Variants in ZHX2 observed in about 807,000 individuals in gnomAD.
ZHX2 encodes the protein zinc fingers and homeoboxes protein 2.
Under a neutral mutation model 21.9 loss-of-function variants are expected in ZHX2, and 6 were observed. The observed-to-expected ratio is 0.27, with a 90% CI of 0.15 to 0.54. ZHX2 has a LOEUF of 0.54. Ranked by LOEUF, ZHX2 falls within the 20% of genes least tolerant of loss-of-function variation. The pLI, the probability that ZHX2 is intolerant of heterozygous loss-of-function variation, is 0.95. For synonymous variants in ZHX2, 434 were observed against 437.1 expected (o/e 0.99, Z 0.09); for missense variants, 908 against 1,090.7 (o/e 0.83, Z 2.36).
chr8:122,872,056 A>G lies in ZHX2; in HGVS notation c.-220+8517A>G, dbSNP rs112965300. 7.8e-3 allele frequency among the ~76,000 whole-genome samples: 1,191 copies of G among 152,272 alleles called. 16 individuals are homozygous for G. The highest frequency in any genetic ancestry group is 0.026 in the African/African-American group (1,070 of 41,540). On this transcript the variant is annotated intron_variant, in intron 2 of 3. Coordinates refer to ENST00000314393, the MANE Select transcript of ZHX2 (RefSeq NM_014943.5). Reference sequence around the variant, plus strand: ...CTGGCCCCTGCAGTCCTGCTGTCCTATGAAAAATCAGCATAGGCAGGTATC... The same window carrying G: ...CTGGCCCCTGCAGTCCTGCTGTCCTGTGAAAAATCAGCATAGGCAGGTATC...
At chr8:122,914,375 A>T (rs1820549821) in intron 2 of ZHX2, among the ~76,000 whole-genome samples, 1 of 152,236 alleles carries the variant, frequency 6.6e-6, no homozygotes, top group Non-Finnish European at 1.5e-5. Flanking sequence ...TGGGGGGAGA[A>T]AGGGGCACAG....
chr8:122,822,702 C>G (rs768175274), intron 1 of ZHX2, among the ~76,000 whole-genome samples: 18 of 152,346 alleles, frequency 1.2e-4, no homozygotes, highest in Non-Finnish European at 2.6e-4. Flanking sequence ...CTCTTCCCAT[C>G]TGTCTCTGCA....
chr8:122,861,678 C>A (rs891121853), intron 1 of ZHX2, among the ~76,000 whole-genome samples: 1 of 152,174 alleles, frequency 6.6e-6, no homozygotes, highest in Non-Finnish European at 1.5e-5. Context: ...GGCTTGGAGT[C>A]AGAGGATAGT....
chr8:122,930,292 A>G (rs893136653), intron 2 of ZHX2, among the ~76,000 whole-genome samples: 5 of 152,242 alleles, frequency 3.3e-5, no homozygotes, highest in Non-Finnish European at 7.3e-5. Flanking sequence ...GGAAAGGACT[A>G]TTGGCAAAAA....
At chr8:122,902,168 T>C (rs1820245628) in intron 2 of ZHX2, among the ~76,000 whole-genome samples, 1 of 152,212 alleles carries the variant, frequency 6.6e-6, no homozygotes, top group African/African-American at 2.4e-5. Flanking sequence ...TGGGTCCTCC[T>C]CCTAGGGGAC....
At position 122,953,939 on chromosome 8, in the gene ZHX2, G is replaced by A. The variant is rs1384646379; in HGVS notation, c.2429G>A (p.Ser810Asn). Residue 810 changes from serine to asparagine, a missense_variant, in exon 3 of 4, where the codon AGC becomes AAC. Physicochemically the swap from Ser to Asn is conservative, Grantham distance 46. Around this residue, in one of 4 missense-constraint regions of ZHX2, gnomAD observed 431 missense variants for 428.6 expected, o/e 1.01. Coordinates refer to ENST00000314393, the MANE Select transcript of ZHX2 (RefSeq NM_014943.5). This position sits in a 1 kb window ranked among gnomAD's most constrained non-coding sequence, Gnocchi z 4.6. ...EEDAISDRSDSWSQAAAEGVS... is the reference protein window; with the variant it reads ...EEDAISDRSDNWSQAAAEGVS... ...GATGCGATCTCAGATAGATCAGATAGCTGGAGTCAGGCTGCGGCAGAAGGT... is the reference window on the plus strand; with the variant it reads ...GATGCGATCTCAGATAGATCAGATAACTGGAGTCAGGCTGCGGCAGAAGGT... 1.1e-5 allele frequency: 18 copies of A among 1,614,166 alleles called. No homozygotes were observed. The highest frequency in any genetic ancestry group is 1.5e-5 in the Non-Finnish European group (18 of 1,180,020).
intron 1 of ZHX2, among the ~76,000 whole-genome samples, chr8:122,853,844 G>A (rs962301753): frequency 6.6e-6 from 1 of 152,000 alleles, no homozygotes; most frequent in African/African-American, 2.4e-5. Context: ...ACCTAACACA[G>A]CCCATACTCC....
chr8:122,955,041 T>C (rs906203010), intron 3 of ZHX2, among the ~76,000 whole-genome samples: 4 of 113,480 alleles, frequency 3.5e-5, no homozygotes, highest in Admixed American at 1.3e-4. Context: ...GAGCCGGGTG[T>C]AAATTAGGCC....
At chr8:122,780,931 T>A (rs979117500), upstream of ZHX2, 2 of 152,228 alleles carry the variant, frequency 1.3e-5, no homozygotes, top group African/African-American at 4.8e-5. Context: ...GCCTCAGACC[T>A]GGCGCGGGCG....
chr8:122,783,151 T>C (rs986467443), intron 1 of ZHX2, among the ~76,000 whole-genome samples: 30 of 152,232 alleles, frequency 2.0e-4, no homozygotes, highest in Admixed American at 1.2e-3. Flanking sequence ...TTCCACCTGA[T>C]TGATAGTCTT....
chr8:122,942,725 A>G (rs2130220676), intron 2 of ZHX2, among the ~76,000 whole-genome samples: 1 of 152,228 alleles, frequency 6.6e-6, no homozygotes, highest in South Asian at 2.1e-4. Context: ...TGAGCCAGCC[A>G]CCTTGAGAAG....
At chr8:122,797,414 G>A (rs1193289806) in intron 1 of ZHX2, among the ~76,000 whole-genome samples, 1 of 152,204 alleles carries the variant, frequency 6.6e-6, no homozygotes, top group Non-Finnish European at 1.5e-5. Flanking sequence ...GGAGACTGTG[G>A]GGGAAGCACA....
At chr8:122,783,190 G>A (rs1248284173) in intron 1 of ZHX2, among the ~76,000 whole-genome samples, 1 of 152,176 alleles carries the variant, frequency 6.6e-6, no homozygotes, top group Non-Finnish European at 1.5e-5. Flanking sequence ...ACCTTCAACT[G>A]TTTCGCGGTG....
chr8:122,849,730 CT>C (rs1563753331), intron 1 of ZHX2, among the ~76,000 whole-genome samples: 1 of 152,164 alleles, frequency 6.6e-6, no homozygotes, highest in Non-Finnish European at 1.5e-5. Context: ...TACAAAGATT[CT>C]TTTCAAATAA....
chr8:122,944,767 C>G (rs1812928179), intron 2 of ZHX2, among the ~76,000 whole-genome samples: 1 of 152,168 alleles, frequency 6.6e-6, no homozygotes, highest in Admixed American at 6.5e-5. Context: ...GATGGCAGTG[C>G]CCTGCCCAAC....
rs1010599500 is a variant in ZHX2 at position 122,939,270 on chromosome 8, C to T, written c.-219-12022C>T. Among the ~76,000 whole-genome samples the T allele has an allele frequency of 2.0e-5, 3 of 152,194 alleles. No individual in the cohort carries two copies. The South Asian group carries it at 6.2e-4, about 31-fold the overall frequency. ...TGGAACATGTCCAGGGTCTCTCACC[C>T]GTGGCGTGGAACCAGACCTCGAAGG... On this transcript the variant is annotated intron_variant, in intron 2 of 3. Coordinates refer to ENST00000314393, the MANE Select transcript of ZHX2 (RefSeq NM_014943.5).
At chr8:122,960,492 C>T (rs2130335660) in intron 3 of ZHX2, among the ~76,000 whole-genome samples, 1 of 152,130 alleles carries the variant, frequency 6.6e-6, no homozygotes, top group African/African-American at 2.4e-5. Context: ...GAGCCGAGAT[C>T]GCACAACAGC....
chr8:122,860,264 G>A (rs1472276403), intron 1 of ZHX2, among the ~76,000 whole-genome samples: 2 of 152,162 alleles, frequency 1.3e-5, no homozygotes. Flanking sequence ...ACCTCCACCT[G>A]GTCTCTCCCT....
chr8:122,849,116 G>A (rs1462538280), intron 1 of ZHX2, among the ~76,000 whole-genome samples: 3 of 152,206 alleles, frequency 2.0e-5, no homozygotes, highest in Non-Finnish European at 2.9e-5. Flanking sequence ...TTTTCAAGGT[G>A]GGAAGGTGAG....
Sources: gnomAD v4.1 joint callset for allele counts (sites outside exome capture counted in the v4.1 genomes callset) on GRCh38, gnomAD v4.1.1 for gene constraint, gnomAD v4.1.1 regional missense constraint, Gnocchi (gnomAD v3.1) non-coding constraint, MANE v1.5 for transcripts, NCBI Gene and HGNC (gene_info 2026-07-23, HGNC 2026-07-21) for gene names.